Variants in CACNA1A observed in about 807,000 individuals in gnomAD.
The protein encoded by CACNA1A is calcium voltage-gated channel subunit alpha1 A, also known as voltage-dependent P/Q-type calcium channel subunit alpha-1A.
CACNA1A carries 57 observed loss-of-function variants against 262.4 expected under a neutral mutation model. The ratio of observed to expected loss-of-function variants is 0.22; its 90% confidence interval spans 0.18 to 0.27. The LOEUF is 0.27. CACNA1A is among the 10% of genes least tolerant of loss of function. CACNA1A has a pLI of 1.00. For synonymous variants in CACNA1A, 1,431 were observed against 1,419.3 expected, an observed-to-expected ratio of 1.01 and a Z score of -0.18; for missense variants, 2,526 against 3,562.8, an observed-to-expected ratio of 0.71 and a Z score of 7.41.
intron 3 of CACNA1A, among the ~76,000 whole-genome samples, chr19:13,437,474 T>C (rs8107419): frequency 0.29 from 44,369 of 151,816 alleles, 7,457 homozygotes; most frequent in East Asian, 0.55. Flanking sequence ...GTGGATCACC[T>C]GAGGTCAGGA....
chr19:13,376,754 G>A (rs1408659948), intron 3 of CACNA1A, among the ~76,000 whole-genome samples: 1 of 143,458 alleles, frequency 7.0e-6, no homozygotes, highest in Non-Finnish European at 1.5e-5. Context: ...AACACAATAT[G>A]TTATATGTGA....
intron 3 of CACNA1A, among the ~76,000 whole-genome samples, chr19:13,430,734 G>T (rs1384739809): frequency 6.6e-6 from 1 of 152,172 alleles, no homozygotes; most frequent in African/African-American, 2.4e-5. Context: ...ATTCTAGTGG[G>T]GGCAGGGGAT....
Position 13,349,007 on chromosome 19 carries a change from CAAAAAAAA to C in CACNA1A, c.978+10591_978+10598del, listed in dbSNP as rs60884577. 7.1e-3 allele frequency among the ~76,000 whole-genome samples: 424 copies of C among 59,678 alleles called. 5 individuals are homozygous for C. Among genetic ancestry groups the C allele is most frequent in the Middle Eastern group, 9.6e-3 (1 of 104 alleles). The allele number at this position is 59,678 out of a possible 152,430, so 39.2% of individuals were successfully genotyped here. The stretch of plus-strand genomic sequence containing the variant: ...TGGGTGACAGAGTGAGACGCTGTCT[CAAAAAAAA>C]AAAAAAAAAAAAAGAGAGACAAAGA... On this transcript the variant is annotated intron_variant, in intron 6 of 46. Transcript: ENST00000360228.
intron 3 of CACNA1A, among the ~76,000 whole-genome samples, chr19:13,409,236 G>C (rs62111208): frequency 0.064 from 9,743 of 152,226 alleles, 545 homozygotes; most frequent in East Asian, 0.26. Context: ...GTGAGGCGAA[G>C]AGAGTTCTGG....
chr19:13,376,784 ATG>A (rs892783255), intron 3 of CACNA1A, among the ~76,000 whole-genome samples: 9 of 111,526 alleles, frequency 8.1e-5, no homozygotes, highest in African/African-American at 3.1e-4. Context: ...CACATAATAT[ATG>A]TGACATATAT....
Position 13,293,623 on chromosome 19 carries a change from T to G in CACNA1A, c.3089+4921A>C, listed in dbSNP as rs1472620343. Reference sequence around the variant, plus strand: ...CACCTACGCCCGGCTAATTTTTTTTTTTTTTGGTATTTTTAGTAGAGATGG... The same window carrying G: ...CACCTACGCCCGGCTAATTTTTTTTGTTTTTGGTATTTTTAGTAGAGATGG... On this transcript the variant is annotated intron_variant, in intron 19 of 46. Transcript: ENST00000360228. Among the ~76,000 whole-genome samples the G allele has an allele frequency of 2.7e-5, 4 of 150,058 alleles. No individual in the cohort carries two copies. In the East Asian group the frequency reaches 7.8e-4, roughly 29 times the overall value.
At chr19:13,332,973 T>C (rs2058492246) in intron 8 of CACNA1A, 48 bp from the exon 9 acceptor site, 4 of 1,465,034 alleles carry the variant, frequency 2.7e-6, no homozygotes, top group South Asian at 1.1e-5. Context: ...GGAGGATGAG[T>C]TCTCCCTTGG....
chr19:13,498,601 C>A (rs900238764), intron 1 of CACNA1A, among the ~76,000 whole-genome samples: 4 of 152,132 alleles, frequency 2.6e-5, no homozygotes. Context: ...CGTGTCTGAC[C>A]GAAGCGAGAT....
rs1473905027 is a variant in CACNA1A, at chr19:13,325,060, CCTTCCT to C, written c.1345+5178_1345+5183del. ...CTCTTCTTCTTCCTCTTCCCCTTCC[CCTTCCT>C]CCTCCTCTTCTTCTTCCCCTTCCCC... On this transcript the variant is annotated intron_variant, in intron 10 of 46. Transcript: ENST00000360228. Among the ~76,000 whole-genome samples the C allele has an allele frequency of 5.1e-3, 756 of 147,766 alleles. 11 individuals are homozygous for C. The highest frequency in any genetic ancestry group is 0.039 in the Admixed American group (562 of 14,376).
At position 13,484,969 on chromosome 19, in the gene CACNA1A, G is replaced by A. The variant is rs555569509; in HGVS notation, c.293+20963C>T. ...ATTTACATGTCATCCTTGCCAGACT[G>A]TAAACTCCATGAAAGCCATGATTGC... On this transcript the variant is annotated intron_variant, in intron 1 of 46. Coordinates refer to ENST00000360228, the MANE Select transcript of CACNA1A (RefSeq NM_001127222.2). Among the ~76,000 whole-genome samples, 57 of 152,276 alleles carry A rather than the reference G, an allele frequency of 3.7e-4. No individual in the cohort carries two copies. In the South Asian group the frequency reaches 0.011, roughly 30 times the overall value.
intron 10 of CACNA1A, among the ~76,000 whole-genome samples, chr19:13,318,681 A>G (rs2058181467): frequency 6.6e-6 from 1 of 152,090 alleles, no homozygotes; most frequent in East Asian, 1.9e-4. Flanking sequence ...GGGATGAATC[A>G]TTTAAGACAG....
At chr19:13,286,436 C>T in intron 20 of CACNA1A, 67 bp downstream of exon 20, 1 of 765,188 alleles carries the variant, frequency 1.3e-6, no homozygotes, top group South Asian at 2.2e-5. Flanking sequence ...CAGGGTCACT[C>T]AGCAGAGCCT....
At chr19:13,416,040 C>A (rs1006716820) in intron 3 of CACNA1A, among the ~76,000 whole-genome samples, 1 of 152,162 alleles carries the variant, frequency 6.6e-6, no homozygotes, top group Non-Finnish European at 1.5e-5. Context: ...TAGCCACCAC[C>A]CACAAGGGAT....
chr19:13,454,438 T>C (rs1179031811), intron 2 of CACNA1A, among the ~76,000 whole-genome samples: 3 of 151,994 alleles, frequency 2.0e-5, no homozygotes, highest in African/African-American at 7.2e-5. Context: ...TGGTGCGATC[T>C]TGGCTTACTG....
At chr19:13,429,063 G>T (rs767744993) in intron 3 of CACNA1A, among the ~76,000 whole-genome samples, 7 of 151,468 alleles carry the variant, frequency 4.6e-5, no homozygotes, top group Admixed American at 6.6e-5. Context: ...CTTTAGATTT[G>T]CTGACCACCT....
At chr19:13,232,918 G>A (rs373830073) in intron 34 of CACNA1A, among the ~76,000 whole-genome samples, 9 of 151,220 alleles carry the variant, frequency 6.0e-5, no homozygotes, top group African/African-American at 9.7e-5. Context: ...GCGTGGTGAC[G>A]GGCACCTATA....
chr19:13,360,331 A>G (rs1021100234), intron 5 of CACNA1A, among the ~76,000 whole-genome samples: 9 of 147,880 alleles, frequency 6.1e-5, no homozygotes, highest in African/African-American at 2.3e-4. Flanking sequence ...GGGGGGAGAG[A>G]GAGAGCGAGA....
intron 1 of CACNA1A, among the ~76,000 whole-genome samples, chr19:13,503,305 G>A (rs1271343266): frequency 1.3e-5 from 2 of 152,076 alleles, no homozygotes; most frequent in East Asian, 1.9e-4. Context: ...GGTATGGGGA[G>A]GGGGACTTCC....
chr19:13,472,366 T>C (rs1978287060), intron 1 of CACNA1A, among the ~76,000 whole-genome samples: 1 of 152,118 alleles, frequency 6.6e-6, no homozygotes, highest in Admixed American at 6.6e-5. Flanking sequence ...TGTATATATA[T>C]TTAAAGTAAA....
Sources: gnomAD v4.1 joint callset for allele counts (sites outside exome capture counted in the v4.1 genomes callset) on GRCh38, gnomAD v4.1.1 for gene constraint, MANE v1.5 for transcripts, NCBI Gene and HGNC (gene_info 2026-07-23, HGNC 2026-07-21) for gene names.